ABCG2: variants seen among roughly 807,000 people sequenced by gnomAD.
ABCG2 encodes broad substrate specificity ATP-binding cassette transporter ABCG2.
Under a neutral mutation model 73.5 loss-of-function variants are expected in ABCG2, and 80 were observed. The observed-to-expected ratio is 1.09, with a 90% CI of 0.91 to 1.31. The LOEUF is 1.31. ABCG2 is among the 50% of genes most tolerant of loss of function. The probability of loss-of-function intolerance (pLI) is 0.00; values close to 1 mark genes in which losing one functional copy is unlikely to be tolerated. For missense variants in ABCG2, 796 were observed against 786.2 expected, an observed-to-expected ratio of 1.01 and a Z score of -0.15; for synonymous variants, 269 against 282.4, an observed-to-expected ratio of 0.95 and a Z score of 0.48.
intron 2 of ABCG2, among the ~76,000 whole-genome samples, chr4:88,134,704 T>C (rs1163643820): frequency 6.6e-6 from 1 of 152,228 alleles, no homozygotes; most frequent in Non-Finnish European, 1.5e-5. Flanking sequence ...ACATGAATGT[T>C]CTAAGACAAA....
intron 1 of ABCG2, among the ~76,000 whole-genome samples, chr4:88,146,730 G>A (rs570998574): frequency 2.6e-5 from 4 of 152,150 alleles, no homozygotes; most frequent in South Asian, 2.1e-4. Flanking sequence ...TTAGCCAGGC[G>A]TGGTGGTCCA....
chr4:88,167,019 A>G (rs917217254), intron 1 of ABCG2, among the ~76,000 whole-genome samples: 9 of 152,158 alleles, frequency 5.9e-5, no homozygotes, highest in African/African-American at 2.2e-4. Flanking sequence ...ACAAATTACC[A>G]TCAAGTTAAT....
In ABCG2 at chr4:88,164,784, TTG is replaced by T. The variant is rs1236311246; in HGVS notation, c.-19-24772_-19-24771del. ...GTAAATGGATTTTTTGTTGTTGTTG[TTG>T]TTTGTTTTTGAGACAGAGTCTCACT... is the stretch of plus-strand genomic sequence containing the variant. On this transcript the variant is annotated intron_variant, in intron 1 of 15. Transcript: ENST00000515655. 4.6e-5 allele frequency among the ~76,000 whole-genome samples: 7 copies of T among 152,184 alleles called. No homozygotes were observed. In the East Asian group the frequency reaches 5.8e-4, roughly 13 times the overall value.
intron 13 of ABCG2, among the ~76,000 whole-genome samples, chr4:88,096,658 G>A (rs1722005062): frequency 6.6e-6 from 1 of 151,844 alleles, no homozygotes; most frequent in Admixed American, 6.6e-5. Flanking sequence ...GTATGATGTT[G>A]AAGGGGAAAA....
rs1448160187 is a variant in ABCG2, at chr4:88,091,035, G to A, written c.*1199C>T. 1 of 152,164 alleles carries A rather than the reference G, an allele frequency of 6.6e-6. No individual in the cohort carries two copies. Among genetic ancestry groups the A allele is most frequent in the East Asian group, 1.9e-4 (1 of 5,198 alleles). 9.4% of individuals were successfully genotyped at this position (152,164 alleles called of 1,614,324 possible). On this transcript the variant is annotated 3_prime_UTR_variant, in exon 16 of 16. Coordinates refer to ENST00000237612, the MANE Select transcript of ABCG2 (RefSeq NM_004827.3). ...CTATGCACACAGAAACACAACACTT[G>A]GCTGTAGCAATGTTCTCATAACAGC... is the stretch of plus-strand genomic sequence containing the variant.
intron 12 of ABCG2, among the ~76,000 whole-genome samples, chr4:88,097,839 G>C (rs1463894405): frequency 6.6e-6 from 1 of 152,182 alleles, no homozygotes; most frequent in Non-Finnish European, 1.5e-5. Flanking sequence ...GACAATTTCT[G>C]AGTTCCTGAG....
intron 1 of ABCG2, among the ~76,000 whole-genome samples, chr4:88,197,984 C>T (rs954118429): frequency 6.8e-6 from 1 of 148,100 alleles, no homozygotes; most frequent in South Asian, 2.2e-4. Context: ...GAGCCGAAAT[C>T]GCACCACTGC....
chr4:88,150,185 C>T (rs1020465499), intron 1 of ABCG2, among the ~76,000 whole-genome samples: 6 of 152,012 alleles, frequency 3.9e-5, no homozygotes, highest in South Asian at 2.1e-4. Context: ...GGTGTGGTGG[C>T]GCATACCTGT....
rs1202286405 is a variant in ABCG2, at chr4:88,209,102, C to T, written c.-20+21892G>A. Among the ~76,000 whole-genome samples, 4 of 151,914 alleles carry T rather than the reference C, an allele frequency of 2.6e-5. No homozygotes were observed. In the East Asian group the frequency reaches 7.7e-4, roughly 29 times the overall value. Reference sequence around the variant, plus strand: ...CCGAGGCAGTCGGATCACCTGAGGTCAGTTCAATACCAGCCTGGCCAACAT... The same window carrying T: ...CCGAGGCAGTCGGATCACCTGAGGTTAGTTCAATACCAGCCTGGCCAACAT... On this transcript the variant is annotated intron_variant, in intron 1 of 15. Transcript: ENST00000515655.
upstream of ABCG2, chr4:88,163,726 CG>C: frequency 2.5e-6 from 1 of 406,498 alleles, no homozygotes; most frequent in Non-Finnish European, 4.9e-6. Context: ...CAGAGAGATC[CG>C]GAAATTTGCC....
chr4:88,155,254 G>T (rs550916228), intron 1 of ABCG2, among the ~76,000 whole-genome samples: 1 of 152,172 alleles, frequency 6.6e-6, no homozygotes, highest in Non-Finnish European at 1.5e-5. Flanking sequence ...GAAAGGAGTT[G>T]TTTTGTAGAA....
At chr4:88,106,257 C>T (rs889113764) in intron 10 of ABCG2, among the ~76,000 whole-genome samples, 1 of 152,098 alleles carries the variant, frequency 6.6e-6, no homozygotes, top group African/African-American at 2.4e-5. Context: ...CCCACCTCAG[C>T]CTCCCGAGTA....
chr4:88,114,627 C>CA (rs11320820), intron 8 of ABCG2, among the ~76,000 whole-genome samples: 8,127 of 107,000 alleles, frequency 0.076, 266 homozygotes, highest in Non-Finnish European at 0.095. Flanking sequence ...GATTCCTTCT[C>CA]AAAAAAAAAA....
intron 1 of ABCG2, among the ~76,000 whole-genome samples, chr4:88,212,654 T>G (rs931396651): frequency 1.3e-5 from 2 of 152,060 alleles, no homozygotes; most frequent in African/African-American, 4.8e-5. Flanking sequence ...TACACCAGTA[T>G]TTCACTGTGC....
intron 1 of ABCG2, among the ~76,000 whole-genome samples, chr4:88,192,256 G>T (rs1234994860): frequency 1.3e-5 from 2 of 151,932 alleles, no homozygotes; most frequent in African/African-American, 4.8e-5. Context: ...TGGGCCTGAG[G>T]AATCTTTTGG....
intron 2 of ABCG2, among the ~76,000 whole-genome samples, chr4:88,135,377 A>G (rs979750310): frequency 1.3e-5 from 2 of 152,228 alleles, no homozygotes; most frequent in African/African-American, 4.8e-5. Context: ...ACCACTGAAC[A>G]TGAACCTGGA....
intron 1 of ABCG2, among the ~76,000 whole-genome samples, chr4:88,174,147 T>C (rs2110095096): frequency 6.6e-6 from 1 of 151,706 alleles, no homozygotes; most frequent in East Asian, 1.9e-4. Context: ...ACCTGACTGG[T>C]GTTTTTTTTT....
intron 10 of ABCG2, 48 bp from the exon 11 acceptor site, chr4:88,101,367 TAGAC>T: frequency 6.6e-7 from 1 of 1,525,582 alleles, no homozygotes; most frequent in Non-Finnish European, 9.1e-7. Flanking sequence ...TCAGCATTCT[TAGAC>T]AGATTTTCTA....
At chr4:88,131,967 A>G (rs1480202202) in intron 3 of ABCG2, 50 bp from the exon 4 acceptor site, 3 of 1,410,486 alleles carry the variant, frequency 2.1e-6, no homozygotes, top group South Asian at 2.4e-5. Flanking sequence ...AAGAGAATAT[A>G]TATGTTGTGG....
Sources: allele counts gnomAD v4.1 joint callset (sites outside exome capture counted in the v4.1 genomes callset), GRCh38; gene constraint gnomAD v4.1.1; transcripts MANE v1.5; gene names NCBI Gene and HGNC (gene_info 2026-07-23, HGNC 2026-07-21).